KCND2: variants seen among roughly 807,000 people sequenced by gnomAD.
The protein encoded by KCND2 is potassium voltage-gated channel subfamily D member 2.
Under a neutral mutation model 54.4 loss-of-function variants are expected in KCND2, and 16 were observed. That is an observed-to-expected ratio of 0.29 (90% CI 0.20 to 0.45). The LOEUF (loss-of-function observed/expected upper bound fraction) is 0.45. Ranked by LOEUF, KCND2 falls within the 20% of genes least tolerant of loss-of-function variation. The pLI, the probability that KCND2 is intolerant of heterozygous loss-of-function variation, is 1.00. For missense variants in KCND2, 486 were observed against 824.2 expected (o/e 0.59, Z 5.02); for synonymous variants, 317 against 310.7 (o/e 1.02, Z -0.21).
intron 1 of KCND2, among the ~76,000 whole-genome samples, chr7:120,493,433 C>T (rs868339168): frequency 1.1e-4 from 17 of 151,990 alleles, no homozygotes; most frequent in Admixed American, 3.3e-4. Context: ...AAAGTAATGT[C>T]TTTACCCTCA....
chr7:120,446,012 A>G (rs549211832), intron 1 of KCND2, among the ~76,000 whole-genome samples: 30 of 152,264 alleles, frequency 2.0e-4, no homozygotes, highest in African/African-American at 6.5e-4. Flanking sequence ...TAGGCACTCA[A>G]TAAATATTTG....
intron 1 of KCND2, among the ~76,000 whole-genome samples, chr7:120,465,133 T>TAATTTGGA (rs1427359223): frequency 8.5e-5 from 13 of 152,062 alleles, no homozygotes; most frequent in African/African-American, 2.7e-4. Context: ...TGAACCCCAA[T>TAATTTGGA]AATTTGGAGG....
At chr7:120,482,341 T>A (rs1802618068) in intron 1 of KCND2, among the ~76,000 whole-genome samples, 1 of 152,130 alleles carries the variant, frequency 6.6e-6, no homozygotes, top group Admixed American at 6.6e-5. Context: ...CACCCATATC[T>A]TACTTAGATG....
At chr7:120,515,317 G>A (rs1803180376) in intron 1 of KCND2, among the ~76,000 whole-genome samples, 1 of 152,092 alleles carries the variant, frequency 6.6e-6, no homozygotes, top group Admixed American at 6.6e-5. Flanking sequence ...CCATCTGGAA[G>A]GGAATATTCC....
intron 1 of KCND2, among the ~76,000 whole-genome samples, chr7:120,498,001 CA>C (rs1481302745): frequency 6.6e-6 from 1 of 152,066 alleles, no homozygotes; most frequent in Non-Finnish European, 1.5e-5. Context: ...GAGGAAGCAA[CA>C]AGATCTTAAT....
At chr7:120,592,909 A>G (rs1003245162) in intron 1 of KCND2, among the ~76,000 whole-genome samples, 1 of 152,164 alleles carries the variant, frequency 6.6e-6, no homozygotes, top group Non-Finnish European at 1.5e-5. Flanking sequence ...AAGAATTTTA[A>G]TATCTGGTGG....
chr7:120,375,300 C>T (rs1324512898), intron 1 of KCND2, among the ~76,000 whole-genome samples: 1 of 151,734 alleles, frequency 6.6e-6, no homozygotes, highest in African/African-American at 2.4e-5. Context: ...AAAATATCAG[C>T]GTATTAAAAA....
intron 1 of KCND2, among the ~76,000 whole-genome samples, chr7:120,390,805 T>G (rs1184979724): frequency 6.6e-6 from 1 of 152,076 alleles, no homozygotes; most frequent in African/African-American, 2.4e-5. Context: ...GAATTATAAA[T>G]AAGATATGTT....
At chr7:120,627,912 T>C (rs987655349) in intron 1 of KCND2, among the ~76,000 whole-genome samples, 7 of 152,108 alleles carry the variant, frequency 4.6e-5, no homozygotes, top group Admixed American at 3.3e-4. Flanking sequence ...ATACATATAA[T>C]ATTTGCTGTT....
chr7:120,469,360 C>A (rs761371606), intron 1 of KCND2, among the ~76,000 whole-genome samples: 24 of 152,026 alleles, frequency 1.6e-4, no homozygotes, highest in Non-Finnish European at 3.2e-4. Flanking sequence ...CTGCTCACAG[C>A]GAAGTGTTAC....
intron 1 of KCND2, among the ~76,000 whole-genome samples, chr7:120,518,617 A>T (rs753669851): frequency 2.6e-5 from 4 of 152,204 alleles, no homozygotes; most frequent in Non-Finnish European, 5.9e-5. Context: ...GTTAAAAAGC[A>T]ATGTTAGAAC....
At chr7:120,517,051 C>T (rs1401100131) in intron 1 of KCND2, among the ~76,000 whole-genome samples, 1 of 152,052 alleles carries the variant, frequency 6.6e-6, no homozygotes, top group African/African-American at 2.4e-5. Flanking sequence ...ATGTCAAGTT[C>T]TACTTTACAA....
intron 1 of KCND2, among the ~76,000 whole-genome samples, chr7:120,652,765 A>G (rs920558814): frequency 1.3e-5 from 2 of 152,160 alleles, no homozygotes; most frequent in African/African-American, 4.8e-5. Flanking sequence ...GTTCATCCCA[A>G]TGCTAATTTT....
chr7:120,698,009 A>G (rs1792352190), intron 1 of KCND2, among the ~76,000 whole-genome samples: 1 of 145,208 alleles, frequency 6.9e-6, no homozygotes, highest in Non-Finnish European at 1.5e-5. Flanking sequence ...ATATTTGGAT[A>G]TATAGATTTG....
intron 1 of KCND2, among the ~76,000 whole-genome samples, chr7:120,686,939 G>A (rs986070992): frequency 6.6e-6 from 1 of 152,098 alleles, no homozygotes; most frequent in Non-Finnish European, 1.5e-5. Flanking sequence ...CTTGGCACCG[G>A]TTGTGAACAA....
intron 2 of KCND2, among the ~76,000 whole-genome samples, chr7:120,738,767 C>T (rs1033854957): frequency 6.6e-6 from 1 of 151,962 alleles, no homozygotes; most frequent in African/African-American, 2.4e-5. Context: ...ATTGGTGCTG[C>T]CAAGATTGTC....
chr7:120,382,958 C>G (rs1216682998), intron 1 of KCND2, among the ~76,000 whole-genome samples: 1 of 151,910 alleles, frequency 6.6e-6, no homozygotes, highest in African/African-American at 2.4e-5. Context: ...AGTCCAATGT[C>G]AAGATCAAAC....
chr7:120,665,510 C>A (rs2116565688), intron 1 of KCND2, among the ~76,000 whole-genome samples: 1 of 152,070 alleles, frequency 6.6e-6, no homozygotes, highest in Admixed American at 6.5e-5. Flanking sequence ...GATTCAAGTT[C>A]TTTATTTTCT....
At chr7:120,713,121 T>C (rs1428168573) in intron 1 of KCND2, among the ~76,000 whole-genome samples, 1 of 152,156 alleles carries the variant, frequency 6.6e-6, no homozygotes, top group East Asian at 1.9e-4. Context: ...ATTATAAATG[T>C]ATTTTTCCAT....
Sources: gnomAD v4.1 joint callset for allele counts (sites outside exome capture counted in the v4.1 genomes callset) on GRCh38, gnomAD v4.1.1 for gene constraint, MANE v1.5 for transcripts, NCBI Gene and HGNC (gene_info 2026-07-23, HGNC 2026-07-21) for gene names.